Variants in ZNF780A observed in about 807,000 individuals in gnomAD.
ZNF780A encodes the protein zinc finger protein 780A.
In ZNF780A, 40 loss-of-function variants were observed where a neutral mutation model predicts 56.7. The observed-to-expected ratio is 0.71, with a 90% confidence interval of 0.55 to 0.92. The LOEUF (loss-of-function observed/expected upper bound fraction) is 0.92, where lower values mean the gene tolerates loss of function less well. ZNF780A is among the 40% of genes least tolerant of loss of function. The pLI is 0.00. For missense variants in ZNF780A, 672 were observed against 783.3 expected (o/e 0.86, Z 1.70); for synonymous variants, 231 against 248.3 (o/e 0.93, Z 0.66).
chr19:40,070,348 T>C (rs1973778136), downstream of ZNF780A: 1 of 152,198 alleles, frequency 6.6e-6, no homozygotes, highest in South Asian at 2.1e-4. Flanking sequence ...TTACTAAAAA[T>C]TTAAGCAACT....
chr19:40,080,631 A>G (rs1974422276), intron 5 of ZNF780A, among the ~76,000 whole-genome samples: 1 of 152,206 alleles, frequency 6.6e-6, no homozygotes, highest in Non-Finnish European at 1.5e-5. Flanking sequence ...CACCGAGTAC[A>G]CATGGACACA....
intron 2 of ZNF780A, chr19:40,089,290 C>T (rs919305361): frequency 1.4e-6 from 2 of 1,410,728 alleles, no homozygotes; most frequent in Non-Finnish European, 1.9e-6. Context: ...ATGATAAATA[C>T]ATACAATTAT....
intron 5 of ZNF780A, among the ~76,000 whole-genome samples, chr19:40,079,852 T>C (rs1264018801): frequency 2.6e-5 from 4 of 152,126 alleles, no homozygotes; most frequent in African/African-American, 9.7e-5. Flanking sequence ...GCAAAGTTGA[T>C]GGCAATAAAC....
At chr19:40,089,117 A>G in intron 2 of ZNF780A, 1 of 730,594 alleles carries the variant, frequency 1.4e-6, no homozygotes, top group Non-Finnish European at 2.0e-6. Flanking sequence ...ACAACAGGGT[A>G]TCTCCAATTA....
At chr19:40,071,410 A>C (rs1394432674), downstream of ZNF780A, 1 of 152,214 alleles carries the variant, frequency 6.6e-6, no homozygotes, top group African/African-American at 2.4e-5. Flanking sequence ...GGTTCCAGAC[A>C]AAATAATCTT....
chr19:40,073,627 C>T lies in ZNF780A; in HGVS notation c.*889G>A, dbSNP rs1241556261. On this transcript the variant is annotated 3_prime_UTR_variant, in exon 6 of 6. Transcript: ENST00000683561. ...ACTTTCTCACAAGAATTATCTTCTC[C>T]GAACTCTAAGGTATTTAGTGTGGCT... 5.1e-6 allele frequency: 5 copies of T among 985,700 alleles called. No homozygotes were observed. The highest frequency in any genetic ancestry group is 1.7e-5 in the African/African-American group (1 of 57,210). The allele number at this position is 985,700 out of a possible 1,614,324, so 61.1% of individuals were successfully genotyped here.
rs1193061084 is a variant in ZNF780A, at chr19:40,081,913, T to C, written c.138A>G (p.Gly46=). The part of the protein sequence containing the change: ...LENYSHLISL[G]SSISKPDVIT... Reference sequence around the variant, plus strand: ...TTACATCTGGTTTAGAAATGGAACTTCCTGCTTAAAAGAAACGACACATGT... The same window carrying C: ...TTACATCTGGTTTAGAAATGGAACTCCCTGCTTAAAAGAAACGACACATGT... Residue 46 remains glycine (G), a splice_region_variant and synonymous_variant, in exon 5 of 6, where the codon GGA becomes GGG. Transcript: ENST00000683561. The C allele has an allele frequency of 6.2e-7, 1 of 1,604,660 alleles. No homozygotes were observed. The highest frequency in any genetic ancestry group is 8.5e-7 in the Non-Finnish European group (1 of 1,176,166).
chr19:40,075,056 T>C lies in ZNF780A; in HGVS notation c.1386A>G (p.Glu462=). Residue 462 remains glutamate, a synonymous_variant, in exon 6 of 6, where the codon GAA becomes GAG. Transcript: ENST00000683561. ...MAFRYHCQLI[E]HSRIHTGDKP... ...TGTCACCAGTATGAATTCGAGAATG[T>C]TCAATAAGTTGGCAATGATATCTAA... 6.2e-7 allele frequency: 1 copy of C among 1,614,176 alleles called. No homozygotes were observed. The highest frequency in any genetic ancestry group is 8.5e-7 in the Non-Finnish European group (1 of 1,180,028).
At chr19:40,080,674 G>T (rs1165018777) in intron 5 of ZNF780A, among the ~76,000 whole-genome samples, 1 of 152,128 alleles carries the variant, frequency 6.6e-6, no homozygotes, top group East Asian at 1.9e-4. Context: ...GGGCCTACTT[G>T]AGAGTAGAGG....
chr19:40,073,708 G>T lies in ZNF780A; in HGVS notation c.*808C>A. On this transcript the variant is annotated 3_prime_UTR_variant, in exon 6 of 6. Coordinates refer to ENST00000683561, the MANE Select transcript of ZNF780A (RefSeq NM_001142578.2). ...GATTTCTCAGAAGTATGAATACTCA[G>T]AAGTTGAGCAAATCCCAGGCCATGA... The T allele has an allele frequency of 1.0e-6, 1 of 985,866 alleles. No homozygotes were observed. The highest frequency in any genetic ancestry group is 1.2e-6 in the Non-Finnish European group (1 of 830,326). The allele number at this position is 985,866 out of a possible 1,614,324, so 61.1% of individuals were successfully genotyped here. A position where few individuals can be genotyped will look rare whatever the true frequency, so the allele number is the denominator to read the frequency against.
At position 40,081,824 on chromosome 19, in the gene ZNF780A, T is replaced by C; in HGVS notation, c.227A>G (p.Tyr76Cys). Residue 76 changes from tyrosine (Y) to cysteine (C), a missense_variant, in exon 5 of 6, where the codon TAT (tyrosine) becomes TGT (cysteine). Coordinates refer to ENST00000683561, the MANE Select transcript of ZNF780A (RefSeq NM_001142578.2). ...CCTGCTTTACCCTCACTTACCTGGA[T>C]ACCGTCTGCTTGTTTCTTTCCTTAC... ...MVVRKETSRR[Y>C]PDLELKYGPE... 1.9e-6 allele frequency: 3 copies of C among 1,612,050 alleles called. No individual in the cohort carries two copies. The highest frequency in any genetic ancestry group is 2.2e-5 in the East Asian group (1 of 44,770).
chr19:40,072,777 T>C, downstream of ZNF780A: 2 of 1,364,326 alleles, frequency 1.5e-6, no homozygotes, highest in Non-Finnish European at 1.9e-6. Context: ...CCCAGAATTA[T>C]AAGCTAGGGC....
chr19:40,083,620 C>A (rs554527861), intron 3 of ZNF780A, among the ~76,000 whole-genome samples: 70 of 147,564 alleles, frequency 4.7e-4, no homozygotes, highest in African/African-American at 1.1e-3. Flanking sequence ...ACTGTGATCA[C>A]GCCACTGCAC....
intron 2 of ZNF780A, chr19:40,089,193 A>G (rs1292165299): frequency 1.5e-6 from 2 of 1,328,530 alleles, no homozygotes; most frequent in Non-Finnish European, 2.0e-6. Flanking sequence ...CACCACAAAA[A>G]TGATAACTAT....
At chr19:40,072,924 A>G (rs1490388140), downstream of ZNF780A, 1 of 1,550,672 alleles carries the variant, frequency 6.4e-7, no homozygotes, top group Non-Finnish European at 8.7e-7. Flanking sequence ...TCTGCAATGG[A>G]TTCTCCTTTG....
chr19:40,087,945 G>C (rs1351780999), intron 2 of ZNF780A, among the ~76,000 whole-genome samples: 2 of 152,100 alleles, frequency 1.3e-5, no homozygotes, highest in Non-Finnish European at 2.9e-5. Context: ...GTTGTGAAAA[G>C]TAGGTATCCA....
chr19:40,084,969 G>A (rs1974702665), intron 2 of ZNF780A, among the ~76,000 whole-genome samples, 171 bp from the exon 3 acceptor site: 1 of 152,230 alleles, frequency 6.6e-6, no homozygotes. Context: ...ATAGCTGGCA[G>A]TGAACGGGTG....
intron 3 of ZNF780A, 52 bp downstream of exon 3, chr19:40,084,693 C>A (rs761090097): frequency 2.2e-5 from 34 of 1,522,368 alleles, no homozygotes; most frequent in Non-Finnish European, 3.0e-5. Flanking sequence ...ATAACAGTCA[C>A]CTAACCTGAA....
chr19:40,089,279 C>A, intron 2 of ZNF780A: 1 of 1,422,950 alleles, frequency 7.0e-7, no homozygotes, highest in South Asian at 1.5e-5. Flanking sequence ...TCATGTTGCA[C>A]ATGATAAATA....
Sources: gnomAD v4.1 joint callset for allele counts (sites outside exome capture counted in the v4.1 genomes callset) on GRCh38, gnomAD v4.1.1 for gene constraint, MANE v1.5 for transcripts, NCBI Gene and HGNC (gene_info 2026-07-23, HGNC 2026-07-21) for gene names.